Variants in CALN1 observed in about 807,000 individuals in gnomAD.
CALN1 encodes the protein calneuron 1.
In CALN1, 17 loss-of-function variants were observed where a neutral mutation model predicts 30.6. That is an observed-to-expected ratio of 0.56 (90% CI 0.38 to 0.83). The LOEUF is 0.83. Ranked by LOEUF, CALN1 falls within the 40% of genes least tolerant of loss-of-function variation. The pLI is 0.00. For synonymous variants in CALN1, 156 were observed against 131.4 expected, an observed-to-expected ratio of 1.19 and a Z score of -1.28; for missense variants, 291 against 354.9, an observed-to-expected ratio of 0.82 and a Z score of 1.45.
At chr7:71,865,186 T>A (rs1791516161) in intron 5 of CALN1, among the ~76,000 whole-genome samples, 1 of 152,058 alleles carries the variant, frequency 6.6e-6, no homozygotes, top group Non-Finnish European at 1.5e-5. Context: ...GGAGGTGGGG[T>A]CTGGAGGAGA....
intron 5 of CALN1, among the ~76,000 whole-genome samples, chr7:71,933,461 A>G: frequency 6.6e-6 from 1 of 151,074 alleles, no homozygotes; most frequent in Non-Finnish European, 1.5e-5. Flanking sequence ...TGCCTATTAA[A>G]CCTCCGCTCC....
At chr7:71,796,064 A>G (rs1247633988) in intron 6 of CALN1, among the ~76,000 whole-genome samples, 1 of 151,326 alleles carries the variant, frequency 6.6e-6, no homozygotes, top group East Asian at 1.9e-4. Flanking sequence ...TGACCTCGTG[A>G]TCCACCCGCC....
At chr7:71,922,705 A>C (rs1159832389) in intron 5 of CALN1, among the ~76,000 whole-genome samples, 2 of 138,410 alleles carry the variant, frequency 1.4e-5, no homozygotes, top group Non-Finnish European at 3.0e-5. Context: ...AACATACAGA[A>C]TATATTATAT....
chr7:72,150,449 T>G (rs1013103953), intron 3 of CALN1, among the ~76,000 whole-genome samples: 13 of 151,956 alleles, frequency 8.6e-5, no homozygotes, highest in African/African-American at 2.4e-4. Context: ...CAAGTGCTAT[T>G]AAAAAAAACA....
intron 1 of CALN1, among the ~76,000 whole-genome samples, chr7:72,432,175 T>C (rs2129564049): frequency 6.6e-6 from 1 of 152,284 alleles, no homozygotes; most frequent in African/African-American, 2.4e-5. Context: ...CTGGTCATAG[T>C]GAGTGAGTCT....
chr7:72,090,250 T>C (rs763652710), intron 4 of CALN1, among the ~76,000 whole-genome samples: 12 of 152,160 alleles, frequency 7.9e-5, no homozygotes, highest in Admixed American at 1.3e-4. Flanking sequence ...TGCAGTGAGC[T>C]GAGATCGCGC....
At chr7:72,330,153 C>A (rs970472722) in intron 2 of CALN1, among the ~76,000 whole-genome samples, 1 of 151,770 alleles carries the variant, frequency 6.6e-6, no homozygotes, top group Admixed American at 6.6e-5. Flanking sequence ...TTTATCTGGG[C>A]GTGGTGGCGG....
chr7:72,124,940 CAT>C (rs1016143740), intron 3 of CALN1, among the ~76,000 whole-genome samples: 2 of 152,048 alleles, frequency 1.3e-5, no homozygotes, highest in African/African-American at 4.8e-5. Context: ...AATTACAACT[CAT>C]TATTTTTTTT....
chr7:72,066,276 A>C (rs1017265573), intron 4 of CALN1, among the ~76,000 whole-genome samples: 1 of 152,212 alleles, frequency 6.6e-6, no homozygotes, highest in Non-Finnish European at 1.5e-5. Context: ...TTTCAACACA[A>C]TAAAGTGGGG....
intron 5 of CALN1, among the ~76,000 whole-genome samples, chr7:71,963,670 C>T (rs923388431): frequency 6.6e-6 from 1 of 151,938 alleles, no homozygotes; most frequent in Non-Finnish European, 1.5e-5. Context: ...CACTTTTTTT[C>T]CCTTACCCCC....
intron 3 of CALN1, among the ~76,000 whole-genome samples, chr7:72,268,308 G>A (rs1796728302): frequency 6.6e-6 from 1 of 151,992 alleles, no homozygotes; most frequent in Non-Finnish European, 1.5e-5. Flanking sequence ...CGTGTGGAGG[G>A]TAAGCAGGGA....
At chr7:71,818,152 G>C (rs1484980757) in intron 5 of CALN1, among the ~76,000 whole-genome samples, 2 of 152,112 alleles carry the variant, frequency 1.3e-5, no homozygotes, top group Non-Finnish European at 2.9e-5. Flanking sequence ...ACATGCTGTG[G>C]GAGGGAAGCC....
intron 4 of CALN1, among the ~76,000 whole-genome samples, chr7:72,058,529 G>A (rs935030791): frequency 6.6e-6 from 1 of 151,898 alleles, no homozygotes; most frequent in South Asian, 2.1e-4. Context: ...ATGTTGGTCA[G>A]GCTGATCTCA....
chr7:72,409,370 T>A (rs1400078766), intron 1 of CALN1, among the ~76,000 whole-genome samples: 1 of 148,786 alleles, frequency 6.7e-6, no homozygotes, highest in Non-Finnish European at 1.5e-5. Flanking sequence ...GAGGCTGAAA[T>A]GATGAGGTTG....
At chr7:71,795,393 G>A (rs906971923) in intron 6 of CALN1, among the ~76,000 whole-genome samples, 3 of 152,120 alleles carry the variant, frequency 2.0e-5, no homozygotes, top group Non-Finnish European at 4.4e-5. Flanking sequence ...TGAACACCCT[G>A]CTCTATAAAA....
chr7:71,870,421 A>G (rs1022208730), intron 5 of CALN1, among the ~76,000 whole-genome samples: 5 of 152,124 alleles, frequency 3.3e-5, no homozygotes, highest in African/African-American at 1.2e-4. Context: ...AAATATAGCA[A>G]CATGTTGACA....
chr7:72,278,648 G>C, intron 3 of CALN1, 38 bp downstream of exon 3: 1 of 1,591,960 alleles, frequency 6.3e-7, no homozygotes, highest in African/African-American at 1.3e-5. Flanking sequence ...ACCTCCCTGG[G>C]AGGGGGGCCA....
chr7:72,410,949 A>T (rs554297340), intron 1 of CALN1, among the ~76,000 whole-genome samples: 2 of 151,352 alleles, frequency 1.3e-5, no homozygotes, highest in Admixed American at 1.3e-4. Flanking sequence ...AGATGGGAAA[A>T]GAAATAAAGT....
intron 2 of CALN1, among the ~76,000 whole-genome samples, chr7:72,335,028 G>C (rs1801919008): frequency 6.6e-6 from 1 of 152,160 alleles, no homozygotes; most frequent in South Asian, 2.1e-4. Flanking sequence ...GCAGTTCCTG[G>C]AGCCCTGGAA....
Sources: allele counts gnomAD v4.1 joint callset (sites outside exome capture counted in the v4.1 genomes callset), GRCh38; gene constraint gnomAD v4.1.1; transcripts MANE v1.5; gene names NCBI Gene and HGNC (gene_info 2026-07-23, HGNC 2026-07-21).